Variants in SCP2 observed in about 807,000 individuals in gnomAD.
SCP2 encodes the protein SCP-2/3-oxoacyl-CoA thiolase.
SCP2 carries 48 observed loss-of-function variants against 71.4 expected under a neutral mutation model. The observed-to-expected ratio is 0.67, with a 90% CI of 0.53 to 0.86. The LOEUF (loss-of-function observed/expected upper bound fraction) is 0.86. Ranked by LOEUF, SCP2 falls within the 40% of genes least tolerant of loss-of-function variation. The pLI, the probability that SCP2 is intolerant of heterozygous loss-of-function variation, is 0.00. For missense variants in SCP2, 560 were observed against 655.6 expected (o/e 0.85, Z 1.59); for synonymous variants, 220 against 218.1 (o/e 1.01, Z -0.08).
At chr1:53,004,813 A>AG (rs1660524609) in intron 11 of SCP2, among the ~76,000 whole-genome samples, 1 of 152,228 alleles carries the variant, frequency 6.6e-6, no homozygotes, top group Admixed American at 6.5e-5. Flanking sequence ...TATGAGCTGA[A>AG]GCAGGGCAGG....
At chr1:53,045,222 C>T (rs1448923029) in intron 14 of SCP2, among the ~76,000 whole-genome samples, 1 of 152,210 alleles carries the variant, frequency 6.6e-6, no homozygotes, top group Non-Finnish European at 1.5e-5. Flanking sequence ...CCTGCTATCA[C>T]TATTCACTCC....
chr1:52,936,911 A>G (rs552161933), intron 1 of SCP2, among the ~76,000 whole-genome samples: 1 of 152,318 alleles, frequency 6.6e-6, no homozygotes, highest in East Asian at 1.9e-4. Flanking sequence ...TGTTTGCCTT[A>G]AAACAATTCA....
intron 10 of SCP2, among the ~76,000 whole-genome samples, chr1:52,982,300 G>T (rs1477728903): frequency 2.0e-5 from 3 of 152,190 alleles, no homozygotes; most frequent in Non-Finnish European, 4.4e-5. Flanking sequence ...GCAGGGCGCG[G>T]TGGCTCAGGC....
At chr1:53,009,834 A>G (rs1299541490) in intron 11 of SCP2, among the ~76,000 whole-genome samples, 3 of 152,250 alleles carry the variant, frequency 2.0e-5, no homozygotes, top group African/African-American at 7.2e-5. Flanking sequence ...ATCAGAGTAC[A>G]CAGGCAACCT....
chr1:52,950,758 ACT>A lies in SCP2; in HGVS notation c.206_207del (p.Ser69TyrfsTer24). 1 of 1,613,278 alleles carries A rather than the reference ACT, an allele frequency of 6.2e-7. No individual in the cohort carries two copies. Among genetic ancestry groups the A allele is most frequent in the Non-Finnish European group, 8.5e-7 (1 of 1,179,380 alleles). ...AAATTTTTGTTTTTCTATTCAGGTG[ACT>A]CTACCTGTGGGCAGAGGGCTATCTA... On this transcript the variant is annotated frameshift_variant, in exon 4 of 16. Transcript: ENST00000371514. LOFTEE classifies it high-confidence loss of function.
At chr1:52,980,677 A>G (rs1198413816) in intron 10 of SCP2, 134 bp downstream of exon 10, 5 of 919,900 alleles carry the variant, frequency 5.4e-6, no homozygotes, top group Non-Finnish European at 8.7e-6. Context: ...AAATGAATGT[A>G]AGCTGTTTTG....
intron 13 of SCP2, among the ~76,000 whole-genome samples, chr1:53,037,690 C>G (rs963711239): frequency 6.6e-6 from 1 of 151,706 alleles, no homozygotes; most frequent in Non-Finnish European, 1.5e-5. Context: ...TGAACAACAA[C>G]AAAAAAGGCC....
intron 4 of SCP2, among the ~76,000 whole-genome samples, chr1:52,951,936 C>T (rs1655357165): frequency 6.6e-6 from 1 of 152,022 alleles, no homozygotes. Context: ...CCAGGCTGGT[C>T]TCAAACTCCT....
intron 1 of SCP2, among the ~76,000 whole-genome samples, chr1:52,936,362 C>T (rs1243669305): frequency 6.6e-6 from 1 of 152,200 alleles, no homozygotes; most frequent in Non-Finnish European, 1.5e-5. Flanking sequence ...GTTTGAGAAT[C>T]GCTGGATGTA....
rs1660763638 is a variant in SCP2, at chr1:53,008,323, C to CA, written c.1082-6560dup. Among the ~76,000 whole-genome samples the CA allele has an allele frequency of 1.3e-5, 2 of 151,828 alleles. 1 individual carries two copies. Among genetic ancestry groups the CA allele is most frequent in the South Asian group, 4.2e-4 (2 of 4,806 alleles). ...ATACCAAAGCCTGGCAGAGACATAA[C>CA]AAAAAAAGAGAATTTTAGACCAATA... On this transcript the variant is annotated intron_variant, in intron 11 of 15. Transcript: ENST00000371514.
rs115246050 is a variant in SCP2 at position 52,955,762 on chromosome 1, G to A, written c.396+958G>A. 3.3e-3 allele frequency among the ~76,000 whole-genome samples: 503 copies of A among 152,048 alleles called. 5 individuals are homozygous for A. Among genetic ancestry groups the A allele is most frequent in the African/African-American group, 0.012 (484 of 41,484 alleles). ...CCTTCAAATAAAATTTTAAGGACAC[G>A]CAGTTAAAGATAACCAAGGATTAAA... On this transcript the variant is annotated intron_variant, in intron 5 of 15. Coordinates refer to ENST00000371514, the MANE Select transcript of SCP2 (RefSeq NM_002979.5).
At chr1:52,948,624 CAAAA>C (rs567151231) in intron 3 of SCP2, among the ~76,000 whole-genome samples, 2 of 49,546 alleles carry the variant, frequency 4.0e-5, no homozygotes, top group South Asian at 1.5e-3. Flanking sequence ...GACTCCATCT[CAAAA>C]AAAAAAAAAA....
chr1:53,040,085 T>TC (rs1379258228), intron 14 of SCP2, among the ~76,000 whole-genome samples: 1 of 152,204 alleles, frequency 6.6e-6, no homozygotes, highest in African/African-American at 2.4e-5. Flanking sequence ...CATCTTGTCC[T>TC]CCTCTGTAAC....
intron 10 of SCP2, among the ~76,000 whole-genome samples, chr1:52,983,955 A>G (rs1658740261): frequency 6.6e-6 from 1 of 152,218 alleles, no homozygotes; most frequent in African/African-American, 2.4e-5. Context: ...CATTTAAGCC[A>G]GTATGTTCTG....
chr1:52,930,424 G>A (rs1019141100), intron 1 of SCP2, among the ~76,000 whole-genome samples: 1 of 152,024 alleles, frequency 6.6e-6, no homozygotes, highest in African/African-American at 2.4e-5. Flanking sequence ...CAGGGTTTGA[G>A]AACAGCCTGG....
intron 4 of SCP2, 95 bp from the exon 5 acceptor site, chr1:52,954,645 C>A: frequency 9.8e-7 from 1 of 1,018,480 alleles, no homozygotes; most frequent in Non-Finnish European, 1.6e-6. Flanking sequence ...CCATTGTGTG[C>A]TCACTTGACG....
intron 4 of SCP2, 76 bp downstream of exon 4, chr1:52,950,962 AT>A (rs763418905): frequency 6.8e-7 from 1 of 1,474,252 alleles, no homozygotes; most frequent in Non-Finnish European, 9.5e-7. Context: ...CAGAGGAATT[AT>A]TTTATAATGT....
intron 12 of SCP2, among the ~76,000 whole-genome samples, chr1:53,021,241 T>C (rs1661698167): frequency 6.6e-6 from 1 of 151,770 alleles, no homozygotes; most frequent in Admixed American, 6.6e-5. Flanking sequence ...ACTCTTGGGC[T>C]CAAGTGATCC....
In SCP2 at chr1:53,028,013, C is replaced by A. The variant is rs144131493; in HGVS notation, c.1280C>A (p.Ala427Glu). 6.2e-7 allele frequency: 1 copy of A among 1,611,840 alleles called. No individual in the cohort carries two copies. Among genetic ancestry groups the A allele is most frequent in the African/African-American group, 1.3e-5 (1 of 74,958 alleles). Residue 427 changes from alanine to glutamate, a missense_variant, in exon 13 of 16, where the codon GCA (alanine) becomes GAA (glutamate). Transcript: ENST00000371514. Reference protein sequence around the residue: ...HQIEAVPTSSASDGFKANLVF... With the variant: ...HQIEAVPTSSESDGFKANLVF... ...ATTGAAGCTGTTCCAACCAGCTCTG[C>A]AAGTGATGGATTTAAGGCAAATCTT...
Sources: allele counts gnomAD v4.1 joint callset (sites outside exome capture counted in the v4.1 genomes callset), GRCh38; gene constraint gnomAD v4.1.1; transcripts MANE v1.5; gene names NCBI Gene and HGNC (gene_info 2026-07-23, HGNC 2026-07-21).